The following PKM variants were observed in gnomAD, a reference collection of about 807,000 sequenced individuals.
PKM encodes the protein pyruvate kinase M1/2.
In PKM, 18 loss-of-function variants were observed where a neutral mutation model predicts 49.8. That is an observed-to-expected ratio of 0.36 (90% CI 0.25 to 0.54). The LOEUF (loss-of-function observed/expected upper bound fraction) is 0.54, where lower values mean the gene tolerates loss of function less well. Ranked by LOEUF, PKM falls within the 20% of genes least tolerant of loss-of-function variation. PKM has a pLI of 0.89. For synonymous variants in PKM, 239 were observed against 261.8 expected (o/e 0.91, Z 0.84); for missense variants, 508 against 713.8 (o/e 0.71, Z 3.28).
At chr15:72,205,624 G>GTTTTTTTTTTTTTT (rs140232218) in intron 8 of PKM, among the ~76,000 whole-genome samples, 2 of 99,736 alleles carry the variant, frequency 2.0e-5, no homozygotes, top group African/African-American at 7.2e-5. Flanking sequence ...GGGTGTTTTA[G>GTTTTTTTTTTTTTT]TTTTTTTTTT....
upstream of PKM, chr15:72,231,521 T>C (rs553426463): frequency 6.6e-6 from 1 of 152,636 alleles, no homozygotes; most frequent in South Asian, 2.0e-4. Context: ...GGGCCACCTG[T>C]TGCCGCCAAG....
At chr15:72,206,288 T>TGGAAGCC (rs2140634678) in intron 8 of PKM, 1 of 194,806 alleles carries the variant, frequency 5.1e-6, no homozygotes, top group Admixed American at 5.3e-5. Flanking sequence ...GGAACTGAAT[T>TGGAAGCC]GGAAGCCAAA....
At chr15:72,218,652 T>C (rs1181052427) in intron 2 of PKM, among the ~76,000 whole-genome samples, 1 of 151,754 alleles carries the variant, frequency 6.6e-6, no homozygotes, top group Non-Finnish European at 1.5e-5. Flanking sequence ...GGTCTCAAAT[T>C]TCGAGGCTCA....
chr15:72,205,717 CG>C (rs2082060356), intron 8 of PKM, among the ~76,000 whole-genome samples: 1 of 144,668 alleles, frequency 6.9e-6, no homozygotes, highest in Admixed American at 7.1e-5. Context: ...CAAAGGGCAG[CG>C]GGTCTTTCAC....
At chr15:72,224,736 T>C (rs1248975724) in intron 1 of PKM, among the ~76,000 whole-genome samples, 1 of 151,670 alleles carries the variant, frequency 6.6e-6, no homozygotes, top group Non-Finnish European at 1.5e-5. Flanking sequence ...GCACCTGTAA[T>C]CCCAGCTACT....
intron 1 of PKM, among the ~76,000 whole-genome samples, chr15:72,221,893 G>GTC (rs2082535204): frequency 2.8e-5 from 4 of 143,040 alleles, no homozygotes; most frequent in Non-Finnish European, 4.5e-5. Context: ...GGCTTAAGAA[G>GTC]GTCAACCTTA....
intron 9 of PKM, chr15:72,201,055 C>T (rs78020492): frequency 0.017 from 3,360 of 193,008 alleles, 52 homozygotes; most frequent in Non-Finnish European, 0.026. Flanking sequence ...CCAAGCAGCA[C>T]GTGACTAGCA....
chr15:72,204,499 T>G (rs1453293449), intron 8 of PKM: 1 of 152,194 alleles, frequency 6.6e-6, no homozygotes. Flanking sequence ...TCTCATCTCC[T>G]GCTAGACAGA....
rs544031679 is a variant in PKM, at chr15:72,199,819, G to A, written c.1490-63C>T. On this transcript the variant is annotated intron_variant, in intron 10 of 10. Coordinates refer to ENST00000335181, the MANE Select transcript of PKM (RefSeq NM_002654.6). ...AGCCAGGCAGGTTTGCACCTGGGCA[G>A]CTGCCCCATAGCCTGAGTACTGAAC... is the stretch of plus-strand genomic sequence containing the variant. The A allele has an allele frequency of 4.7e-6, 5 of 1,059,504 alleles. No homozygotes were observed. The East Asian group carries it at 1.2e-4, about 26-fold the overall frequency. The allele number at this position is 1,059,504 out of a possible 1,614,324, so 65.6% of individuals were successfully genotyped here.
intron 3 of PKM, among the ~76,000 whole-genome samples, chr15:72,210,770 A>G (rs2082231586): frequency 6.6e-6 from 1 of 152,226 alleles, no homozygotes; most frequent in Non-Finnish European, 1.5e-5. Context: ...GTATGGGTGC[A>G]AACATGTCTC....
At chr15:72,217,653 C>T (rs1255939729) in intron 2 of PKM, among the ~76,000 whole-genome samples, 153 bp from the exon 3 acceptor site, 2 of 152,178 alleles carry the variant, frequency 1.3e-5, no homozygotes, top group African/African-American at 2.4e-5. Context: ...AGGCTACTAC[C>T]GTGCCAGCTT....
At position 72,208,863 on chromosome 15, in the gene PKM, T is replaced by A; in HGVS notation, c.594A>T (p.Glu198Asp). The A allele has an allele frequency of 6.2e-7, 1 of 1,614,042 alleles. No homozygotes were observed. The highest frequency in any genetic ancestry group is 8.5e-7 in the Non-Finnish European group (1 of 1,179,996). The change falls in exon 6 of 11, where the codon GAA becomes GAT. Residue 198 changes from glutamate to aspartate, a missense_variant. Physicochemically the swap from Glu to Asp is conservative, Grantham distance 45 (BLOSUM62 2). Transcript: ENST00000335181. ...TCTTGCTGCCCAAGGAGCCACCATTTTCCACCTCCGTCACCAGGAAGTCGG... is the reference window on the plus strand; with the variant it reads ...TCTTGCTGCCCAAGGAGCCACCATTATCCACCTCCGTCACCAGGAAGTCGG... ...KGADFLVTEV[E>D]NGGSLGSKKG... is the part of the protein sequence containing the mutation.
In PKM at chr15:72,219,023, T is replaced by A. The variant is rs770095654; in HGVS notation, c.75A>T (p.Thr25=). 34 of 1,614,062 alleles carry A rather than the reference T, an allele frequency of 2.1e-5. No homozygotes were observed. The part of the protein sequence containing the change: ...TQQLHAAMAD[T]FLEHMCRLDI... ...CCAGGCGGCACATGTGCTCCAGGAATGTGTCAGCCATGGCTGCGTGCAGCT... is the reference window on the plus strand; with the variant it reads ...CCAGGCGGCACATGTGCTCCAGGAAAGTGTCAGCCATGGCTGCGTGCAGCT... Residue 25 remains threonine (T), a synonymous_variant, in exon 2 of 11, where the codon ACA becomes ACT. Coordinates refer to ENST00000335181, the MANE Select transcript of PKM (RefSeq NM_002654.6).
chr15:72,229,841 T>A (rs1413318350), intron 1 of PKM: 3 of 264,094 alleles, frequency 1.1e-5, no homozygotes, highest in Admixed American at 6.4e-5. Context: ...CGTAACCAGA[T>A]CCCCACCCCA....
chr15:72,212,774 A>G (rs1268479819), intron 3 of PKM, among the ~76,000 whole-genome samples: 1 of 152,168 alleles, frequency 6.6e-6, no homozygotes, highest in African/African-American at 2.4e-5. Flanking sequence ...GTTGTTTAAA[A>G]GTCAACCTTA....
intron 4 of PKM, 26 bp downstream of exon 4, chr15:72,210,321 C>T: frequency 6.2e-7 from 1 of 1,611,110 alleles, no homozygotes; most frequent in South Asian, 1.1e-5. Flanking sequence ...ACTGAGCCTT[C>T]CCCTCGCTCT....
chr15:72,213,669 GA>G (rs2082309992), intron 3 of PKM, among the ~76,000 whole-genome samples: 1 of 152,186 alleles, frequency 6.6e-6, no homozygotes, highest in Non-Finnish European at 1.5e-5. Flanking sequence ...GACCTCAAGT[GA>G]TCCCTCCGCC....
In PKM at chr15:72,199,328, TAAAGGAAC is replaced by T; in HGVS notation, c.*314_*321del. On this transcript the variant is annotated 3_prime_UTR_variant, in exon 11 of 11. Coordinates refer to ENST00000335181, the MANE Select transcript of PKM (RefSeq NM_002654.6). ...GAGTCCTCTGGGCATCCATTTTTTC[TAAAGGAAC>T]TGGACAGAGTACACACAGGAAAGGA... 1 of 485,418 alleles carries T rather than the reference TAAAGGAAC, an allele frequency of 2.1e-6. No individual in the cohort carries two copies. The highest frequency in any genetic ancestry group is 3.9e-6 in the Non-Finnish European group (1 of 256,806). The allele number at this position is 485,418 out of a possible 1,614,324, so 30.1% of individuals were successfully genotyped here.
Position 72,206,763 on chromosome 15 carries a change from C to T in PKM, c.1105G>A (p.Asp369Asn). ...ATGCGCACAGCCTCCAGAGGATAGT[C>T]CCCTTTGGCTGTTTCTCCAGACAGC... is the stretch of plus-strand genomic sequence containing the variant. Reference protein sequence around the residue: ...IMLSGETAKGDYPLEAVRMQH... With the variant: ...IMLSGETAKGNYPLEAVRMQH... The change falls in exon 8 of 11, where the codon GAC (aspartate) becomes AAC (asparagine). Residue 369 changes from aspartate to asparagine, a missense_variant. Asp to Asn is a conservative substitution (Grantham distance 23). Coordinates refer to ENST00000335181, the MANE Select transcript of PKM (RefSeq NM_002654.6). The T allele has an allele frequency of 6.2e-7, 1 of 1,613,948 alleles. No homozygotes were observed. Among genetic ancestry groups the T allele is most frequent in the Non-Finnish European group, 8.5e-7 (1 of 1,180,044 alleles).
Sources: gnomAD v4.1 joint callset for allele counts (sites outside exome capture counted in the v4.1 genomes callset) on GRCh38, gnomAD v4.1.1 for gene constraint, MANE v1.5 for transcripts, NCBI Gene and HGNC (gene_info 2026-07-23, HGNC 2026-07-21) for gene names.